The following FXR1 variants were observed in gnomAD, a reference collection of about 807,000 sequenced individuals.
FXR1 encodes FMR1 autosomal homolog 1.
In FXR1, 15 loss-of-function variants were observed where a neutral mutation model predicts 84.0. The ratio of observed to expected loss-of-function variants is 0.18; its 90% CI spans 0.12 to 0.27. FXR1 has a LOEUF of 0.27. Among genes scored for constraint, FXR1 ranks in the 10% least tolerant of loss-of-function variants. FXR1 has a pLI of 1.00. For missense variants in FXR1, 480 were observed against 774.4 expected, an observed-to-expected ratio of 0.62 and a Z score of 4.51; for synonymous variants, 245 against 250.7, an observed-to-expected ratio of 0.98 and a Z score of 0.21.
chr3:180,927,838 C>G, intron 1 of FXR1: 1 of 411,182 alleles, frequency 2.4e-6, no homozygotes, highest in Non-Finnish European at 4.3e-6. Context: ...AGTTCATATC[C>G]ATCGATACCT....
At chr3:180,926,506 A>ATATATATATATATATATATATATATTT (rs72192827) in intron 1 of FXR1, among the ~76,000 whole-genome samples, 1 of 124,394 alleles carries the variant, frequency 8.0e-6, no homozygotes, top group Non-Finnish European at 1.7e-5. Flanking sequence ...ATATATATAT[A>ATATATATATATATATATATATATATTT]TTTTTTTTTC....
At chr3:180,960,866 T>A (rs1267068992) in intron 10 of FXR1, among the ~76,000 whole-genome samples, 2 of 152,200 alleles carry the variant, frequency 1.3e-5, no homozygotes, top group Non-Finnish European at 2.9e-5. Flanking sequence ...AAATTATTTT[T>A]AAAGTGTTTA....
At chr3:180,971,170 C>T in intron 15 of FXR1, 1 of 1,071,930 alleles carries the variant, frequency 9.3e-7, no homozygotes. Context: ...CTTGAGTGGA[C>T]CTGTGGACAC....
chr3:180,955,163 T>G (rs1298830699), intron 9 of FXR1, among the ~76,000 whole-genome samples: 1 of 151,764 alleles, frequency 6.6e-6, no homozygotes, highest in Non-Finnish European at 1.5e-5. Flanking sequence ...CCTGGCTAAT[T>G]TTTGTATTTT....
chr3:180,932,535 A>G (rs1188975032), intron 1 of FXR1, among the ~76,000 whole-genome samples: 1 of 152,182 alleles, frequency 6.6e-6, no homozygotes. Flanking sequence ...AGTATGTCAG[A>G]TCTTATGGTT....
chr3:180,944,103 A>G (rs553820009), intron 3 of FXR1, among the ~76,000 whole-genome samples: 15 of 151,192 alleles, frequency 9.9e-5, no homozygotes, highest in Non-Finnish European at 1.9e-4. Flanking sequence ...TTTAGTAGAG[A>G]CAGGGTTTCT....
intron 1 of FXR1, among the ~76,000 whole-genome samples, chr3:180,915,853 T>A (rs1243146275): frequency 2.6e-5 from 4 of 152,256 alleles, no homozygotes; most frequent in African/African-American, 9.6e-5. Context: ...ATATTTTACC[T>A]AAAATTAGGG....
At chr3:180,917,947 CAAAAAAAAAAA>C (rs757826092) in intron 1 of FXR1, among the ~76,000 whole-genome samples, 8 of 60,996 alleles carry the variant, frequency 1.3e-4, no homozygotes, top group South Asian at 1.5e-3. Context: ...ACTCTGTCTC[CAAAAAAAAAAA>C]AAAAAAAAAA....
At chr3:180,948,248 A>G in intron 4 of FXR1, 99 bp from the exon 5 acceptor site, 1 of 781,928 alleles carries the variant, frequency 1.3e-6, no homozygotes. Context: ...CACATGGGGG[A>G]GGGTCCGTTG....
At chr3:180,948,853 A>G (rs781330248) in intron 6 of FXR1, 39 bp downstream of exon 6, 28 of 870,586 alleles carry the variant, frequency 3.2e-5, no homozygotes, top group Non-Finnish European at 4.9e-5. Context: ...TTATTAATGG[A>G]TATTGCACAG....
chr3:180,948,378 C>T lies in FXR1; in HGVS notation c.302C>T (p.Ala101Val), dbSNP rs780038956. 2 of 1,605,378 alleles carry T rather than the reference C, an allele frequency of 1.2e-6. No homozygotes were observed. The highest frequency in any genetic ancestry group is 3.3e-5 in the Admixed American group (2 of 59,858). Residue 101 changes from alanine (A) to valine (V), a missense_variant, in exon 5 of 17, where the codon GCT becomes GTT. Physicochemically the swap from Ala to Val is moderately conservative, Grantham distance 64 (BLOSUM62 0). Coordinates refer to ENST00000357559, the MANE Select transcript of FXR1 (RefSeq NM_005087.4). ...FYVIEYAACD[A>V]TYNEIVTFER... Reference sequence around the variant, plus strand: ...GTCATTGAATATGCTGCTTGTGACGCTACTTACAATGAAATAGTCACATTT... The same window carrying T: ...GTCATTGAATATGCTGCTTGTGACGTTACTTACAATGAAATAGTCACATTT...
In FXR1 at chr3:180,979,315, A is replaced by C. The variant is rs2108502507; in HGVS notation, c.*3023A>C. The C allele has an allele frequency of 6.6e-6, 1 of 152,242 alleles. No individual in the cohort carries two copies. The highest frequency in any genetic ancestry group is 6.5e-5 in the Admixed American group (1 of 15,270). 9.4% of individuals were successfully genotyped at this position (152,242 alleles called of 1,614,324 possible). ...TAAACATGGAAAACAGGCTATGTCC[A>C]GGGACAGATGATTGGTGGTTAAGAA... On this transcript the variant is annotated 3_prime_UTR_variant, in exon 17 of 17. Transcript: ENST00000357559.
intron 3 of FXR1, among the ~76,000 whole-genome samples, chr3:180,936,562 A>G (rs1239600151): frequency 6.6e-6 from 1 of 152,184 alleles, no homozygotes; most frequent in Non-Finnish European, 1.5e-5. Flanking sequence ...GCCACCATAC[A>G]TGGCCTGATT....
chr3:180,947,995 G>C (rs1370670927), intron 4 of FXR1, 59 bp downstream of exon 4: 3 of 954,180 alleles, frequency 3.1e-6, no homozygotes, highest in Non-Finnish European at 5.0e-6. Context: ...TCAGTGCTTG[G>C]TTTTTGTAAA....
intron 9 of FXR1, among the ~76,000 whole-genome samples, chr3:180,954,362 G>T (rs1048024274): frequency 5.3e-5 from 8 of 152,122 alleles, no homozygotes; most frequent in African/African-American, 1.9e-4. Context: ...AGAGAAGGAT[G>T]ATAATATGAG....
At chr3:180,960,740 C>T (rs552021224) in intron 10 of FXR1, among the ~76,000 whole-genome samples, 2 of 152,284 alleles carry the variant, frequency 1.3e-5, no homozygotes, top group Non-Finnish European at 2.9e-5. Flanking sequence ...GCTAGGATTA[C>T]AGGTGTGAGT....
In FXR1 at chr3:180,968,163, C is replaced by A; in HGVS notation, c.1311C>A (p.Asp437Glu). Residue 437 changes from aspartate (D) to glutamate (E), a missense_variant, in exon 14 of 17, where the codon GAC becomes GAA. Asp to Glu is a conservative substitution (Grantham distance 45, BLOSUM62 2). Transcript: ENST00000357559. ...ATCGAGACAGCCGACATCAGCGTGACAGCAGGAGACGCCCAGGAGGAAGAG... is the reference window on the plus strand; with the variant it reads ...ATCGAGACAGCCGACATCAGCGTGAAAGCAGGAGACGCCCAGGAGGAAGAG... The part of the protein sequence containing the change: ...EDDRDSRHQR[D>E]SRRRPGGRGR... 3 of 1,613,720 alleles carry A rather than the reference C, an allele frequency of 1.9e-6. No homozygotes were observed. Among genetic ancestry groups the A allele is most frequent in the South Asian group, 1.1e-5 (1 of 91,076 alleles).
intron 5 of FXR1, 111 bp from the exon 6 acceptor site, chr3:180,948,610 A>G: frequency 1.0e-6 from 1 of 998,286 alleles, no homozygotes; most frequent in South Asian, 1.5e-5. Context: ...CATCTTAATG[A>G]ACAAAGGTTT....
At chr3:180,959,483 G>A (rs1711809870) in intron 10 of FXR1, among the ~76,000 whole-genome samples, 1 of 151,948 alleles carries the variant, frequency 6.6e-6, no homozygotes, top group Non-Finnish European at 1.5e-5. Context: ...TGGCTCGGTT[G>A]CTAATTTTAT....
Sources: allele counts gnomAD v4.1 joint callset (sites outside exome capture counted in the v4.1 genomes callset), GRCh38; gene constraint gnomAD v4.1.1; transcripts MANE v1.5; gene names NCBI Gene and HGNC (gene_info 2026-07-23, HGNC 2026-07-21).